OR1D2: variants seen among roughly 807,000 people sequenced by gnomAD.
The protein encoded by OR1D2 is olfactory receptor family 1 subfamily D member 2, also known as olfactory receptor 1D2.
For missense variants in OR1D2, 357 were observed against 376.1 expected (o/e 0.95, Z 0.42); for synonymous variants, 157 against 153.9 (o/e 1.02, Z -0.15).
Position 3,091,513 on chromosome 17 carries a change from T to G in OR1D2, c.*545A>C, listed in dbSNP as rs1009028698. The G allele has an allele frequency of 6.5e-6, 1 of 153,296 alleles. No homozygotes were observed. Among genetic ancestry groups the G allele is most frequent in the African/African-American group, 2.4e-5 (1 of 41,464 alleles). The allele number at this position is 153,296 out of a possible 1,614,324, so 9.5% of individuals were successfully genotyped here. A position where few individuals can be genotyped will look rare whatever the true frequency, so the allele number is the denominator to read the frequency against. ...CCCCGAGTAGACTGTGACCTCACAT[T>G]TGTAACCCAGTTTGAGGCCTCTGTA... On this transcript the variant is annotated 3_prime_UTR_variant, in exon 2 of 2. Transcript: ENST00000641833.
intron 1 of OR1D2, among the ~76,000 whole-genome samples, chr17:3,094,101 G>A (rs771114147): frequency 6.6e-6 from 1 of 152,166 alleles, no homozygotes; most frequent in Non-Finnish European, 1.5e-5. Context: ...TTCACAGATA[G>A]ACACAAAAAC....
chr17:3,092,262 C>G lies in OR1D2; in HGVS notation c.735G>C (p.Leu245Phe), dbSNP rs751406247. 6.2e-7 allele frequency: 1 copy of G among 1,614,102 alleles called. No individual in the cohort carries two copies. Among genetic ancestry groups the G allele is most frequent in the Middle Eastern group, 1.6e-4 (1 of 6,062 alleles). The change falls in exon 2 of 2, where the codon TTG becomes TTC. Residue 245 changes from leucine to phenylalanine, a missense_variant. By Grantham distance (22) the Leu-to-Phe change is conservative. Transcript: ENST00000641833. ...YKAFSTCASH[L>F]GAVSLFYGTL... ...TCCCATAGAAGAGGGAGACTGCACC[C>G]AAATGGGAGGCACAGGTGGAGAAGG...
At chr17:3,103,234 TCTTC>T (rs1205448172) in intron 1 of OR1D2, among the ~76,000 whole-genome samples, 1 of 144,244 alleles carries the variant, frequency 6.9e-6, no homozygotes, top group Non-Finnish European at 1.5e-5. Flanking sequence ...CTTCCTTTTT[TCTTC>T]TTTCTTTTCC....
At position 3,092,952 on chromosome 17, in the gene OR1D2, C is replaced by T. The variant is rs200021499; in HGVS notation, c.45G>A (p.Leu15=). The T allele has an allele frequency of 7.1e-5, 114 of 1,614,000 alleles. No homozygotes were observed. The highest frequency in any genetic ancestry group is 9.3e-5 in the Non-Finnish European group (110 of 1,179,988). Residue 15 remains leucine (L), a synonymous_variant, in exon 2 of 2, where the codon CTG becomes CTA. Coordinates refer to ENST00000641833, the MANE Select transcript of OR1D2 (RefSeq NM_002548.3). ...GCTGCTCAGGACTCTCTGACATCCC[C>T]AGGAGAAGGAACTCTGAACCTTCAC... ...NQSEGSEFLL[L]GMSESPEQQR... is the part of the protein sequence containing the mutation.
At chr17:3,093,858 G>A (rs1322799015) in intron 1 of OR1D2, among the ~76,000 whole-genome samples, 1 of 152,124 alleles carries the variant, frequency 6.6e-6, no homozygotes, top group African/African-American at 2.4e-5. Flanking sequence ...AATATGAAGA[G>A]AAGTGTCACC....
chr17:3,089,592 A>G lies in OR1D2; in HGVS notation c.*2466T>C, dbSNP rs1205157311. ...AGTTTCTCAGGTGGTGAGTGGGACCATAGAGCTCCCAAGAGATTATGCCCT... is the reference window on the plus strand; with the variant it reads ...AGTTTCTCAGGTGGTGAGTGGGACCGTAGAGCTCCCAAGAGATTATGCCCT... On this transcript the variant is annotated 3_prime_UTR_variant, in exon 2 of 2. Transcript: ENST00000641833. 2.0e-5 allele frequency: 3 copies of G among 152,294 alleles called. No homozygotes were observed. The highest frequency in any genetic ancestry group is 7.2e-5 in the African/African-American group (3 of 41,460). The allele number at this position is 152,294 out of a possible 1,614,324, so 9.4% of individuals were successfully genotyped here.
chr17:3,094,252 T>G (rs1365779337), intron 1 of OR1D2, among the ~76,000 whole-genome samples: 5 of 152,168 alleles, frequency 3.3e-5, no homozygotes, highest in Non-Finnish European at 5.9e-5. Flanking sequence ...TTCGGAGGAC[T>G]AGTTCGAACA....
Position 3,088,660 on chromosome 17 carries a change from A to G in OR1D2, c.*3398T>C, listed in dbSNP as rs62089858. 0.087 allele frequency: 13,325 copies of G among 153,168 alleles called. 737 individuals carry two copies. Among genetic ancestry groups the G allele is most frequent in the African/African-American group, 0.15 (6,269 of 41,432 alleles). The allele number at this position is 153,168 out of a possible 1,614,324, so 9.5% of individuals were successfully genotyped here. ...CTGGGGGCTGCATGCACCAGTAATC[A>G]GAACAAAACAGAACAGGACAGGGAT... is the stretch of plus-strand genomic sequence containing the variant. On this transcript the variant is annotated 3_prime_UTR_variant, in exon 2 of 2. Coordinates refer to ENST00000641833, the MANE Select transcript of OR1D2 (RefSeq NM_002548.3).
chr17:3,097,111 G>A (rs1231287858), intron 1 of OR1D2, among the ~76,000 whole-genome samples: 3 of 152,164 alleles, frequency 2.0e-5, no homozygotes, highest in Admixed American at 6.5e-5. Context: ...ATATTGTGGA[G>A]GATAATATAC....
At position 3,092,748 on chromosome 17, in the gene OR1D2, C is replaced by G. The variant is rs1210578834; in HGVS notation, c.249G>C (p.Val83=). ...TGGCTTTGTTATGGGACTGGAGGTT[C>G]ACCAGCATCTTGGGGATTGTGTTGG... ...FVTNTIPKML[V]NLQSHNKAIS... is the part of the protein sequence containing the mutation. Residue 83 remains valine, a synonymous_variant, in exon 2 of 2, where the codon GTG becomes GTC. Transcript: ENST00000641833. 6 of 1,614,104 alleles carry G rather than the reference C, an allele frequency of 3.7e-6. No individual in the cohort carries two copies. The Admixed American group carries it at 8.3e-5, about 22-fold the overall frequency.
At position 3,092,189 on chromosome 17, in the gene OR1D2, C is replaced by T; in HGVS notation, c.808G>A (p.Asp270Asn). 6.2e-7 allele frequency: 1 copy of T among 1,614,122 alleles called. No individual in the cohort carries two copies. The change falls in exon 2 of 2, where the codon GAC (aspartate) becomes AAC (asparagine). Residue 270 changes from aspartate to asparagine, a missense_variant. By Grantham distance (23) the Asp-to-Asn change is conservative. Transcript: ENST00000641833. ...GCATACATCACTGTGGCTACTGAGT[C>T]CTTCACAGAGTAGGTATGGAGGGGC... The part of the protein sequence containing the change: ...LKPLHTYSVK[D>N]SVATVMYAVV...
intron 1 of OR1D2, 124 bp from the exon 2 acceptor site, chr17:3,093,170 G>A (rs577280180): frequency 2.5e-5 from 16 of 642,950 alleles, no homozygotes; most frequent in South Asian, 6.2e-5. Flanking sequence ...GTTTTTATGC[G>A]ATATAATTAT....
At chr17:3,101,420 A>G (rs776890359) in intron 1 of OR1D2, among the ~76,000 whole-genome samples, 3 of 152,222 alleles carry the variant, frequency 2.0e-5, no homozygotes, top group Non-Finnish European at 4.4e-5. Flanking sequence ...AAAGACAACA[A>G]CCATACGATT....
At chr17:3,099,386 A>T (rs908799819) in intron 1 of OR1D2, among the ~76,000 whole-genome samples, 1 of 152,188 alleles carries the variant, frequency 6.6e-6, no homozygotes, top group Non-Finnish European at 1.5e-5. Flanking sequence ...ATTCTGAAAG[A>T]AAAAAATTTT....
At chr17:3,098,261 G>A (rs2047856607) in intron 1 of OR1D2, among the ~76,000 whole-genome samples, 1 of 152,158 alleles carries the variant, frequency 6.6e-6, no homozygotes, top group Non-Finnish European at 1.5e-5. Flanking sequence ...ATACAGGAGT[G>A]AACCTACTCG....
At chr17:3,099,717 A>G (rs954231336) in intron 1 of OR1D2, among the ~76,000 whole-genome samples, 1 of 152,218 alleles carries the variant, frequency 6.6e-6, no homozygotes, top group Non-Finnish European at 1.5e-5. Context: ...CAATTAAAAG[A>G]CACAGGTGGC....
intron 1 of OR1D2, 22 bp from the exon 2 acceptor site, chr17:3,093,068 A>G (rs2047825944): frequency 1.5e-6 from 2 of 1,361,386 alleles, no homozygotes. Flanking sequence ...AAAAACATGA[A>G]GATAAGCAAA....
intron 1 of OR1D2, among the ~76,000 whole-genome samples, chr17:3,103,357 C>G (rs1163087751): frequency 2.0e-5 from 3 of 152,176 alleles, no homozygotes; most frequent in Admixed American, 1.3e-4. Context: ...TCTCCTGCCT[C>G]AGCCTCCTGA....
At chr17:3,096,794 A>G (rs921944768) in intron 1 of OR1D2, among the ~76,000 whole-genome samples, 3 of 151,614 alleles carry the variant, frequency 2.0e-5, no homozygotes, top group Non-Finnish European at 4.4e-5. Flanking sequence ...ACCACTTTCA[A>G]TAATGGATAG....
Sources: allele counts gnomAD v4.1 joint callset (sites outside exome capture counted in the v4.1 genomes callset), GRCh38; gene constraint gnomAD v4.1.1; transcripts MANE v1.5; gene names NCBI Gene and HGNC (gene_info 2026-07-23, HGNC 2026-07-21).